The following GCLM variants were observed in gnomAD, a reference collection of about 807,000 sequenced individuals.
The protein encoded by GCLM is glutamate-cysteine ligase modifier subunit.
GCLM carries 15 observed loss-of-function variants against 36.0 expected under a neutral mutation model. The observed-to-expected ratio is 0.42, with a 90% CI of 0.28 to 0.64. The LOEUF is 0.64. Ranked by LOEUF, GCLM falls within the 30% of genes least tolerant of loss-of-function variation. The pLI, the probability that GCLM is intolerant of heterozygous loss-of-function variation, is 0.25. For missense variants in GCLM, 242 were observed against 325.5 expected (o/e 0.74, Z 1.97); for synonymous variants, 129 against 122.8 (o/e 1.05, Z -0.34).
chr1:93,899,127 C>T (rs568322060), intron 3 of GCLM, among the ~76,000 whole-genome samples: 6 of 151,086 alleles, frequency 4.0e-5, no homozygotes, highest in Non-Finnish European at 5.9e-5. Flanking sequence ...CTCACTCTGT[C>T]GCCCAGTGGT....
Position 93,886,831 on chromosome 1 carries a change from T to C in GCLM, c.*2159A>G, listed in dbSNP as rs972829639. On this transcript the variant is annotated 3_prime_UTR_variant, in exon 7 of 7. Transcript: ENST00000370238. Reference sequence around the variant, plus strand: ...AGATTTAAAATAAAATGAACGCTTGTTTAAGGACTTATATGAAAAAAATGT... The same window carrying C: ...AGATTTAAAATAAAATGAACGCTTGCTTAAGGACTTATATGAAAAAAATGT... 1 of 152,126 alleles carries C rather than the reference T, an allele frequency of 6.6e-6. No homozygotes were observed. The highest frequency in any genetic ancestry group is 2.4e-5 in the African/African-American group (1 of 41,422). 9.4% of individuals were successfully genotyped at this position (152,126 alleles called of 1,614,324 possible).
chr1:93,891,051 A>G (rs569917063), intron 6 of GCLM, among the ~76,000 whole-genome samples: 2 of 151,606 alleles, frequency 1.3e-5, no homozygotes, highest in South Asian at 4.2e-4. Context: ...TAATTTAATT[A>G]TTATTATTAT....
chr1:93,901,743 C>T (rs1241383962), intron 2 of GCLM, 74 bp from the exon 3 acceptor site: 3 of 812,608 alleles, frequency 3.7e-6, no homozygotes, highest in East Asian at 2.7e-5. Context: ...TTCTATTATC[C>T]ATAATGCCTT....
At position 93,909,323 on chromosome 1, in the gene GCLM, C is replaced by T. The variant is rs1255861787; in HGVS notation, c.-160G>A. 1 of 1,035,866 alleles carries T rather than the reference C, an allele frequency of 9.7e-7. No individual in the cohort carries two copies. Among genetic ancestry groups the T allele is most frequent in the South Asian group, 4.6e-5 (1 of 21,872 alleles). 64.2% of individuals were successfully genotyped at this position (1,035,866 alleles called of 1,614,324 possible). On this transcript the variant is annotated 5_prime_UTR_variant, in exon 1 of 7. Coordinates refer to ENST00000370238, the MANE Select transcript of GCLM (RefSeq NM_002061.4). Reference sequence around the variant, plus strand: ...GCTGGAGCCTGGTCTGCGCTCGGGCCCGAGGGAGGCCGGACGGCGGCTGGG... The same window carrying T: ...GCTGGAGCCTGGTCTGCGCTCGGGCTCGAGGGAGGCCGGACGGCGGCTGGG...
chr1:93,908,859 C>A (rs933719524), intron 1 of GCLM, 179 bp downstream of exon 1: 2 of 419,260 alleles, frequency 4.8e-6, no homozygotes, highest in Non-Finnish European at 8.1e-6. Flanking sequence ...CCCTCGGCAG[C>A]GGGTTTGGAC....
chr1:93,894,590 C>G (rs1656658314), intron 6 of GCLM, 24 bp downstream of exon 6: 1 of 1,170,456 alleles, frequency 8.5e-7, no homozygotes, highest in African/African-American at 1.5e-5. Flanking sequence ...TGATCAATCT[C>G]TATAATGAAA....
chr1:93,901,979 G>A (rs542276830), intron 2 of GCLM, among the ~76,000 whole-genome samples: 5 of 151,824 alleles, frequency 3.3e-5, no homozygotes, highest in African/African-American at 1.2e-4. Flanking sequence ...TATGTGAGGA[G>A]TTAGAAACAG....
chr1:93,904,652 A>G (rs1657077676), intron 1 of GCLM, 64 bp from the exon 2 acceptor site: 2 of 967,940 alleles, frequency 2.1e-6, no homozygotes, highest in South Asian at 2.7e-5. Context: ...TACTTCTACA[A>G]TAAGAATATA....
At chr1:93,898,329 A>AAAAG (rs1656813699) in intron 3 of GCLM, among the ~76,000 whole-genome samples, 1 of 143,968 alleles carries the variant, frequency 6.9e-6, no homozygotes. Context: ...AAAAAAAAAA[A>AAAAG]GGCCACAATT....
chr1:93,901,908 G>C (rs1163407991), intron 2 of GCLM, among the ~76,000 whole-genome samples: 1 of 151,372 alleles, frequency 6.6e-6, no homozygotes, highest in African/African-American at 2.4e-5. Flanking sequence ...ATCTCATTTT[G>C]ACCAGGTATT....
At chr1:93,897,068 C>T (rs556040742) in intron 4 of GCLM, among the ~76,000 whole-genome samples, 1 of 152,320 alleles carries the variant, frequency 6.6e-6, no homozygotes, top group South Asian at 2.1e-4. Flanking sequence ...TCCTAGGCAG[C>T]TTGCAGCTAC....
Position 93,909,074 on chromosome 1 carries a change from GC to G in GCLM, c.89del (p.Arg30ProfsTer22). ...GCGTGGACGGGCACTTCTTCCGCAG[GC>G]GGCCCCAGTTCAGCAGGTTCCCCGT... ...LQTGNLLNWG[R>X]LRKKCPSTHS... On this transcript the variant is annotated frameshift_variant, in exon 1 of 7. Transcript: ENST00000370238. LOFTEE classifies it high-confidence loss of function. 6.8e-7 allele frequency: 1 copy of G among 1,475,182 alleles called. No individual in the cohort carries two copies. Among genetic ancestry groups the G allele is most frequent in the Non-Finnish European group, 8.9e-7 (1 of 1,118,934 alleles). 91.4% of individuals were successfully genotyped at this position (1,475,182 alleles called of 1,614,324 possible). A position where few individuals can be genotyped will look rare whatever the true frequency, so the allele number is the denominator to read the frequency against.
chr1:93,905,192 A>G (rs1253551681), intron 1 of GCLM, among the ~76,000 whole-genome samples: 3 of 150,204 alleles, frequency 2.0e-5, no homozygotes, highest in Admixed American at 6.6e-5. Flanking sequence ...AAAAAAAAAA[A>G]GGCATTCATA....
intron 5 of GCLM, among the ~76,000 whole-genome samples, chr1:93,895,010 C>T (rs964553368): frequency 6.9e-6 from 1 of 144,844 alleles, no homozygotes; most frequent in Non-Finnish European, 1.5e-5. Context: ...AACAGTACTA[C>T]ACTTTTTTTT....
intron 6 of GCLM, among the ~76,000 whole-genome samples, chr1:93,889,920 A>T (rs17882506): frequency 0.045 from 6,681 of 148,708 alleles, 291 homozygotes; most frequent in African/African-American, 0.11. Flanking sequence ...ATATATATAT[A>T]TTTTTTTTTG....
chr1:93,896,673 A>G lies in GCLM; in HGVS notation c.485T>C (p.Ile162Thr), dbSNP rs1181248188. ...TGTTTTGTCTAGATCAGAGGTACCT[A>G]TGGCAACAATCTTTTTGCTCTGAAC... is the stretch of plus-strand genomic sequence containing the variant. ...NLVQSKKIVA[I>T]GTSDLDKTQL... The change falls in exon 5 of 7, where the codon ATA (isoleucine) becomes ACA (threonine). Residue 162 changes from isoleucine to threonine, a missense_variant. Physicochemically the swap from Ile to Thr is moderately conservative, Grantham distance 89. Coordinates refer to ENST00000370238, the MANE Select transcript of GCLM (RefSeq NM_002061.4). The G allele has an allele frequency of 1.9e-6, 3 of 1,613,918 alleles. No homozygotes were observed.
chr1:93,897,756 TG>T, intron 4 of GCLM, 82 bp downstream of exon 4: 1 of 695,322 alleles, frequency 1.4e-6, no homozygotes, highest in Non-Finnish European at 2.4e-6. Flanking sequence ...TCTTTTTACC[TG>T]GACCTAAGCA....
intron 3 of GCLM, among the ~76,000 whole-genome samples, chr1:93,898,633 A>AT (rs896318140): frequency 2.7e-3 from 394 of 147,776 alleles, no homozygotes; most frequent in African/African-American, 9.0e-3. Flanking sequence ...AATCACCACA[A>AT]TTTTTTTTTT....
chr1:93,906,392 G>C (rs951966313), intron 1 of GCLM, among the ~76,000 whole-genome samples: 8 of 152,120 alleles, frequency 5.3e-5, no homozygotes, highest in African/African-American at 1.9e-4. Flanking sequence ...AAATTCTATC[G>C]GAAGTGCTTT....
Sources: allele counts gnomAD v4.1 joint callset (sites outside exome capture counted in the v4.1 genomes callset), GRCh38; gene constraint gnomAD v4.1.1; transcripts MANE v1.5; gene names NCBI Gene and HGNC (gene_info 2026-07-23, HGNC 2026-07-21).